C19orf81: variants seen among roughly 807,000 people sequenced by gnomAD.
C19orf81 encodes the protein chromosome 19 open reading frame 81.
In C19orf81, 19 loss-of-function variants were observed where a neutral mutation model predicts 22.1. The observed-to-expected ratio is 0.86, with a 90% CI of 0.60 to 1.26. C19orf81 has a LOEUF of 1.26. Among genes scored for constraint, C19orf81 ranks in the 50% most tolerant of loss-of-function variants. The probability of loss-of-function intolerance (pLI) is 0.00; values close to 1 mark genes in which losing one functional copy is unlikely to be tolerated. For synonymous variants in C19orf81, 108 were observed against 113.1 expected, an observed-to-expected ratio of 0.95 and a Z score of 0.29; for missense variants, 287 against 280.7, an observed-to-expected ratio of 1.02 and a Z score of -0.16.
chr19:50,657,791 T>C (rs992133851), intron 3 of C19orf81, among the ~76,000 whole-genome samples, 198 bp from the exon 4 acceptor site: 2 of 152,220 alleles, frequency 1.3e-5, no homozygotes, highest in African/African-American at 4.8e-5. Flanking sequence ...TGATAGTAGA[T>C]GCTTTCCCAT....
intron 3 of C19orf81, among the ~76,000 whole-genome samples, chr19:50,657,538 C>A (rs60611067): frequency 0.085 from 12,878 of 152,224 alleles, 1,306 homozygotes; most frequent in African/African-American, 0.24. Flanking sequence ...ACCCCTATGA[C>A]CCTTATCTTT....
At chr19:50,655,484 A>T (rs1984974557) in intron 1 of C19orf81, among the ~76,000 whole-genome samples, 1 of 152,116 alleles carries the variant, frequency 6.6e-6, no homozygotes. Flanking sequence ...CCCCGTCTCT[A>T]CTAAAAATAC....
chr19:50,655,271 T>C (rs1225014338), intron 1 of C19orf81, among the ~76,000 whole-genome samples: 2 of 152,042 alleles, frequency 1.3e-5, no homozygotes, highest in African/African-American at 4.8e-5. Flanking sequence ...AGTTAGCTGA[T>C]GGTGGGGTGG....
intron 3 of C19orf81, among the ~76,000 whole-genome samples, chr19:50,657,331 C>T (rs1985018189): frequency 6.6e-6 from 1 of 152,202 alleles, no homozygotes; most frequent in South Asian, 2.1e-4. Context: ...CCCTCTCACC[C>T]CAGTCAAGGA....
chr19:50,658,122 G>A lies in C19orf81; in HGVS notation c.395G>A (p.Arg132Gln), dbSNP rs558395868. ...MNVICGTAGR[R>Q]NRWLIAVTDF... ...GTCATCTGTGGGACTGCTGGGCGCCGGAACCGGTGAGTAAGCGGCGGGGGC... is the reference window on the plus strand; with the variant it reads ...GTCATCTGTGGGACTGCTGGGCGCCAGAACCGGTGAGTAAGCGGCGGGGGC... Residue 132 changes from arginine (R) to glutamine (Q), a missense_variant, in exon 4 of 5, where the codon CGG (arginine) becomes CAG (glutamine). Transcript: ENST00000425202. 15 of 1,533,974 alleles carry A rather than the reference G, an allele frequency of 9.8e-6. No individual in the cohort carries two copies. In the Admixed American group the frequency reaches 2.4e-4, roughly 24 times the overall value.
At chr19:50,651,570 T>C (rs1281070242) in intron 1 of C19orf81, among the ~76,000 whole-genome samples, 1 of 152,140 alleles carries the variant, frequency 6.6e-6, no homozygotes, top group Non-Finnish European at 1.5e-5. Flanking sequence ...CTGAGATGCC[T>C]GTTAAAAAAA....
chr19:50,653,921 C>A (rs1378510410), intron 1 of C19orf81, among the ~76,000 whole-genome samples: 1 of 151,720 alleles, frequency 6.6e-6, no homozygotes, highest in African/African-American at 2.4e-5. Context: ...GTAGATGGAG[C>A]TAATGCTGGG....
At chr19:50,650,904 C>G (rs141174779) in intron 1 of C19orf81, among the ~76,000 whole-genome samples, 1 of 152,214 alleles carries the variant, frequency 6.6e-6, no homozygotes, top group Non-Finnish European at 1.5e-5. Flanking sequence ...GAGGCACCCA[C>G]GTGACATGTA....
At chr19:50,655,086 C>T (rs529018813) in intron 1 of C19orf81, among the ~76,000 whole-genome samples, 1 of 152,312 alleles carries the variant, frequency 6.6e-6, no homozygotes, top group African/African-American at 2.4e-5. Flanking sequence ...CCTCTCACTC[C>T]AGCTAACACT....
At chr19:50,658,180 G>A in intron 4 of C19orf81, 52 bp downstream of exon 4, 3 of 1,491,776 alleles carry the variant, frequency 2.0e-6, no homozygotes, top group Non-Finnish European at 2.7e-6. Context: ...GGCGGGGCCC[G>A]GGGCGACCGG....
At chr19:50,657,501 T>C (rs1985021395) in intron 3 of C19orf81, among the ~76,000 whole-genome samples, 2 of 152,218 alleles carry the variant, frequency 1.3e-5, no homozygotes, top group South Asian at 4.1e-4. Context: ...CGTTTCTGAA[T>C]GTTAAATAGA....
At chr19:50,652,878 G>C (rs1365970395) in intron 1 of C19orf81, among the ~76,000 whole-genome samples, 3 of 152,080 alleles carry the variant, frequency 2.0e-5, no homozygotes, top group Non-Finnish European at 4.4e-5. Context: ...CACGCACACT[G>C]GATCCAGATG....
intron 3 of C19orf81, among the ~76,000 whole-genome samples, 161 bp from the exon 4 acceptor site, chr19:50,657,828 G>A (rs948080844): frequency 6.6e-6 from 1 of 152,172 alleles, no homozygotes; most frequent in Non-Finnish European, 1.5e-5. Flanking sequence ...CGTCTCCTTT[G>A]ACCATAGCGA....
At chr19:50,655,647 T>TTA (rs1984978582) in intron 1 of C19orf81, among the ~76,000 whole-genome samples, 2 of 139,916 alleles carry the variant, frequency 1.4e-5, no homozygotes, top group African/African-American at 5.7e-5. Flanking sequence ...AGACTCTGTC[T>TTA]CAAAAAAAAA....
At chr19:50,657,292 T>C (rs1270249851) in intron 3 of C19orf81, among the ~76,000 whole-genome samples, 1 of 152,214 alleles carries the variant, frequency 6.6e-6, no homozygotes, top group Admixed American at 6.5e-5. Flanking sequence ...CACTTCTTTG[T>C]GGCTTTGAGC....
chr19:50,650,771 G>A (rs977276989), intron 1 of C19orf81, among the ~76,000 whole-genome samples: 4 of 152,204 alleles, frequency 2.6e-5, no homozygotes, highest in Non-Finnish European at 5.9e-5. Flanking sequence ...CTCAGCCTTC[G>A]AGGCCGAACA....
intron 3 of C19orf81, among the ~76,000 whole-genome samples, 165 bp downstream of exon 3, chr19:50,656,511 A>C (rs536739359): frequency 6.6e-6 from 1 of 152,260 alleles, no homozygotes; most frequent in Admixed American, 6.5e-5. Context: ...AATTTGTCAA[A>C]GGGTCAGTCA....
rs1391629456 is a variant in C19orf81 at position 50,659,195 on chromosome 19, C to A, written c.*53C>A. The A allele has an allele frequency of 1.5e-5, 19 of 1,260,080 alleles. No homozygotes were observed. The highest frequency in any genetic ancestry group is 1.9e-5 in the Non-Finnish European group (19 of 1,000,814). 78.1% of individuals were successfully genotyped at this position (1,260,080 alleles called of 1,614,324 possible). On this transcript the variant is annotated 3_prime_UTR_variant, in exon 5 of 5. Coordinates refer to ENST00000425202, the MANE Select transcript of C19orf81 (RefSeq NM_001195076.2). Reference sequence around the variant, plus strand: ...CGCACCGCCCCGCGGGCTGGGGCCACCCACCCGGAGCCCCGGAGGACAGGG... The same window carrying A: ...CGCACCGCCCCGCGGGCTGGGGCCAACCACCCGGAGCCCCGGAGGACAGGG...
chr19:50,658,009 C>T lies in C19orf81; in HGVS notation c.282C>T (p.His94=). 1 of 1,534,826 alleles carries T rather than the reference C, an allele frequency of 6.5e-7. No individual in the cohort carries two copies. ...CGCAGCCCGAGGAGGATTTTACCCACCTGGAGGTGCTGCAAGCCCTGGAGG... is the reference window on the plus strand; with the variant it reads ...CGCAGCCCGAGGAGGATTTTACCCATCTGGAGGTGCTGCAAGCCCTGGAGG... ...METLPEEDFT[H]LEVLQALEAQ... The change falls in exon 4 of 5, where the codon CAC becomes CAT. Residue 94 remains histidine, a synonymous_variant. Coordinates refer to ENST00000425202, the MANE Select transcript of C19orf81 (RefSeq NM_001195076.2).
Sources: gnomAD v4.1 joint callset for allele counts (sites outside exome capture counted in the v4.1 genomes callset) on GRCh38, gnomAD v4.1.1 for gene constraint, MANE v1.5 for transcripts, NCBI Gene and HGNC (gene_info 2026-07-23, HGNC 2026-07-21) for gene names.